The following ERICH6 variants were observed in gnomAD, a reference collection of about 807,000 sequenced individuals.
ERICH6 encodes the protein glutamate-rich protein 6.
In ERICH6, 71 loss-of-function variants were observed where a neutral mutation model predicts 71.0. The ratio of observed to expected loss-of-function variants is 1.00; its 90% CI spans 0.83 to 1.22. The LOEUF (loss-of-function observed/expected upper bound fraction) is 1.22. Among genes scored for constraint, ERICH6 ranks in the 50% most tolerant of loss-of-function variants. The pLI is 0.00. For synonymous variants in ERICH6, 262 were observed against 278.4 expected, an observed-to-expected ratio of 0.94 and a Z score of 0.59; for missense variants, 808 against 797.2, an observed-to-expected ratio of 1.01 and a Z score of -0.16.
intron 3 of ERICH6, among the ~76,000 whole-genome samples, chr3:150,689,691 G>A (rs369429999): frequency 9.2e-5 from 14 of 151,978 alleles, no homozygotes; most frequent in Middle Eastern, 3.2e-3. Flanking sequence ...TTTCTTCTCA[G>A]TTGACTGAAT....
At chr3:150,690,039 G>T (rs984044814) in intron 3 of ERICH6, among the ~76,000 whole-genome samples, 4 of 152,038 alleles carry the variant, frequency 2.6e-5, no homozygotes, top group African/African-American at 9.7e-5. Context: ...TTTTTTACAT[G>T]CACTGTAAAA....
intron 1 of ERICH6, among the ~76,000 whole-genome samples, chr3:150,703,222 T>C (rs1456454860): frequency 1.3e-5 from 2 of 150,486 alleles, no homozygotes; most frequent in South Asian, 4.2e-4. Context: ...GAGACTCTTG[T>C]CTAAAAAAAA....
At position 150,660,152 on chromosome 3, in the gene ERICH6, G is replaced by A. The variant is rs1444016910; in HGVS notation, c.1732C>T (p.Pro578Ser). The A allele has an allele frequency of 6.2e-7, 1 of 1,610,164 alleles. No homozygotes were observed. The highest frequency in any genetic ancestry group is 8.5e-7 in the Non-Finnish European group (1 of 1,177,368). The stretch of plus-strand genomic sequence containing the variant: ...AGGATTGGAATCTCCTCAGGGTTTG[G>A]TAGCTTTTCAGCAAAGAGAAAGAGA... The part of the protein sequence containing the change: ...RISVGTKVKL[P>S]NPEEIPILRY... Residue 578 changes from proline (P) to serine (S), a missense_variant, in exon 14 of 14, where the codon CCA becomes TCA. Pro to Ser is a moderately conservative substitution (Grantham distance 74, BLOSUM62 -1). This residue lies in a region of ERICH6 where 736 missense variants were observed against 712.2 expected (regional missense o/e 1.03). Transcript: ENST00000295910.
chr3:150,696,021 A>G (rs1385048661), intron 3 of ERICH6, among the ~76,000 whole-genome samples: 2 of 151,978 alleles, frequency 1.3e-5, no homozygotes, highest in African/African-American at 2.4e-5. Context: ...GAGGGGAGAA[A>G]TTCATTTATC....
chr3:150,669,452 C>G lies in ERICH6; in HGVS notation c.1344-1G>C, dbSNP rs758738609. ...GATGGCTAGGTTTCCAGATGGATAGCTGAGATCAGATAAGGTCATATAAAT... is the reference window on the plus strand; with the variant it reads ...GATGGCTAGGTTTCCAGATGGATAGGTGAGATCAGATAAGGTCATATAAAT... On this transcript the variant is annotated splice_acceptor_variant, in intron 11 of 13. Coordinates refer to ENST00000295910, the MANE Select transcript of ERICH6 (RefSeq NM_152394.5). LOFTEE classifies it high-confidence loss of function. The G allele has an allele frequency of 1.2e-6, 2 of 1,613,122 alleles. No individual in the cohort carries two copies. The highest frequency in any genetic ancestry group is 1.1e-5 in the South Asian group (1 of 90,824).
intron 3 of ERICH6, among the ~76,000 whole-genome samples, chr3:150,689,220 T>A (rs1217146042): frequency 7.3e-6 from 1 of 137,738 alleles, no homozygotes; most frequent in Non-Finnish European, 1.7e-5. Context: ...TTTACTTGCT[T>A]CCAACTCAAG....
At chr3:150,702,716 A>G (rs1405693414) in intron 1 of ERICH6, among the ~76,000 whole-genome samples, 1 of 152,058 alleles carries the variant, frequency 6.6e-6, no homozygotes, top group African/African-American at 2.4e-5. Flanking sequence ...CCAAAATGTC[A>G]ACACTAGAGC....
chr3:150,685,748 G>C lies in ERICH6; in HGVS notation c.777C>G (p.Asn259Lys). The change falls in exon 6 of 14, where the codon AAC (asparagine) becomes AAG (lysine). Residue 259 changes from asparagine (N) to lysine (K), a missense_variant. By Grantham distance (94) the Asn-to-Lys change is moderately conservative. Coordinates refer to ENST00000295910, the MANE Select transcript of ERICH6 (RefSeq NM_152394.5). ...YKEESSNLGINFKDEEEETSP... is the reference protein window; with the variant it reads ...YKEESSNLGIKFKDEEEETSP... ...AAACATGAATTAAAGTCACCTTGAA[G>C]TTAATGCCTAAATTGGAGCTCTCTT... The C allele has an allele frequency of 1.9e-6, 3 of 1,610,642 alleles. No individual in the cohort carries two copies. Among genetic ancestry groups the C allele is most frequent in the Non-Finnish European group, 2.5e-6 (3 of 1,178,250 alleles).
chr3:150,685,735 A>T lies in ERICH6; in HGVS notation c.783+7T>A. On this transcript the variant is annotated splice_region_variant and intron_variant, in intron 6 of 13. Transcript: ENST00000295910. Reference sequence around the variant, plus strand: ...GAGTAATAATAAGAAACATGAATTAAAGTCACCTTGAAGTTAATGCCTAAA... The same window carrying T: ...GAGTAATAATAAGAAACATGAATTATAGTCACCTTGAAGTTAATGCCTAAA... 6.3e-7 allele frequency: 1 copy of T among 1,598,126 alleles called. No individual in the cohort carries two copies.
chr3:150,701,680 A>G (rs568500890), intron 2 of ERICH6, among the ~76,000 whole-genome samples: 6 of 152,214 alleles, frequency 3.9e-5, no homozygotes, highest in African/African-American at 1.4e-4. Context: ...AAGGCATTTC[A>G]CTGGTATCTT....
rs548927287 is a variant in ERICH6, at chr3:150,700,526, A to G, written c.461+1595T>C. Among the ~76,000 whole-genome samples the G allele has an allele frequency of 2.0e-3, 300 of 152,050 alleles. 1 individual carries two copies. The highest frequency in any genetic ancestry group is 2.9e-3 in the Non-Finnish European group (194 of 67,998). ...CCAATAAAGTGTGGCTGGTGAGCCAACCCAGAAAAACTGTAGACAGAACAA... is the reference window on the plus strand; with the variant it reads ...CCAATAAAGTGTGGCTGGTGAGCCAGCCCAGAAAAACTGTAGACAGAACAA... On this transcript the variant is annotated intron_variant, in intron 2 of 13. Coordinates refer to ENST00000295910, the MANE Select transcript of ERICH6 (RefSeq NM_152394.5).
chr3:150,700,081 A>AT (rs200830475), intron 2 of ERICH6, among the ~76,000 whole-genome samples: 21,843 of 148,176 alleles, frequency 0.15, 2,142 homozygotes, highest in Non-Finnish European at 0.21. Context: ...TCTGAGGGAA[A>AT]TTTTTTTTTT....
intron 11 of ERICH6, among the ~76,000 whole-genome samples, chr3:150,673,394 G>T (rs557864987): frequency 6.6e-6 from 1 of 152,130 alleles, no homozygotes; most frequent in East Asian, 1.9e-4. Context: ...TCACTATGCT[G>T]CTCAGGCTGA....
chr3:150,661,381 C>G (rs1278713118), intron 13 of ERICH6, among the ~76,000 whole-genome samples: 1 of 152,172 alleles, frequency 6.6e-6, no homozygotes, highest in Non-Finnish European at 1.5e-5. Flanking sequence ...TAGCCTTCTA[C>G]CCCTTAGCAT....
At position 150,702,177 on chromosome 3, in the gene ERICH6, A is replaced by T. The variant is rs1712900113; in HGVS notation, c.405T>A (p.Ser135Arg). ...SPPSSTSSHKSFPKIFQTFRK... is the reference protein window; with the variant it reads ...SPPSSTSSHKRFPKIFQTFRK... ...TAAATGTCTGAAATATTTTAGGGAA[A>T]CCTGTTGAATGAAACATTTAAAAAT... is the stretch of plus-strand genomic sequence containing the variant. Residue 135 changes from serine (S) to arginine (R), a missense_variant and splice_region_variant, in exon 2 of 14, where the codon AGT becomes AGA. Physicochemically the swap from Ser to Arg is moderately radical, Grantham distance 110. Coordinates refer to ENST00000295910, the MANE Select transcript of ERICH6 (RefSeq NM_152394.5). 6.3e-7 allele frequency: 1 copy of T among 1,578,446 alleles called. No individual in the cohort carries two copies. The highest frequency in any genetic ancestry group is 8.7e-7 in the Non-Finnish European group (1 of 1,155,176).
chr3:150,674,805 C>CT (rs796572317), intron 10 of ERICH6, among the ~76,000 whole-genome samples: 136 of 146,394 alleles, frequency 9.3e-4, no homozygotes, highest in South Asian at 1.7e-3. Flanking sequence ...GCCCCCCAAC[C>CT]TTTTTTTTTT....
chr3:150,699,292 C>A (rs1053562657), intron 2 of ERICH6, among the ~76,000 whole-genome samples: 1 of 152,198 alleles, frequency 6.6e-6, no homozygotes, highest in Non-Finnish European at 1.5e-5. Context: ...GCTTGGGAGA[C>A]AGAGCAAGGC....
At position 150,680,838 on chromosome 3, in the gene ERICH6, A is replaced by G. The variant is rs1326247510; in HGVS notation, c.975T>C (p.Ile325=). The part of the protein sequence containing the change: ...TKPPKAELIA[I]DPHAAHGSEV... ...CACTACCATGGGCTGCATGAGGGTC[A>G]ATAGCAATTAATTCAGCTTTAGGGG... The change falls in exon 8 of 14, where the codon ATT becomes ATC. Residue 325 remains isoleucine (I), a synonymous_variant. Coordinates refer to ENST00000295910, the MANE Select transcript of ERICH6 (RefSeq NM_152394.5). 6.2e-7 allele frequency: 1 copy of G among 1,614,136 alleles called. No homozygotes were observed.
intron 11 of ERICH6, among the ~76,000 whole-genome samples, 198 bp from the exon 12 acceptor site, chr3:150,669,649 CA>C (rs755906686): frequency 8.1e-4 from 123 of 152,246 alleles, no homozygotes; most frequent in Non-Finnish European, 1.5e-3. Context: ...CAAAATCTTG[CA>C]AATGAACTGT....
Sources: allele counts gnomAD v4.1 joint callset (sites outside exome capture counted in the v4.1 genomes callset), GRCh38; gene constraint gnomAD v4.1.1; regional missense constraint gnomAD v4.1.1; transcripts MANE v1.5; gene names NCBI Gene and HGNC (gene_info 2026-07-23, HGNC 2026-07-21).